Variants in ARHGEF28 observed in about 807,000 individuals in gnomAD.
ARHGEF28 encodes the protein 190 kDa guanine nucleotide exchange factor.
In ARHGEF28, 152 loss-of-function variants were observed where a neutral mutation model predicts 206.6. That is an observed-to-expected ratio of 0.74 (90% CI 0.64 to 0.84). ARHGEF28 has a LOEUF of 0.84. ARHGEF28 is among the 40% of genes least tolerant of loss of function. ARHGEF28 has a pLI of 0.00. For synonymous variants in ARHGEF28, 763 were observed against 776.4 expected (o/e 0.98, Z 0.29); for missense variants, 2,028 against 2,073.2 (o/e 0.98, Z 0.42).
At chr5:73,740,407 C>T (rs768979818) in intron 2 of ARHGEF28, among the ~76,000 whole-genome samples, 19 of 152,092 alleles carry the variant, frequency 1.2e-4, no homozygotes, top group Non-Finnish European at 2.6e-4. Flanking sequence ...ACAAACAAAA[C>T]ACACCATCTC....
At chr5:73,889,158 C>T (rs1451194883) in intron 26 of ARHGEF28, among the ~76,000 whole-genome samples, 1 of 152,168 alleles carries the variant, frequency 6.6e-6, no homozygotes, top group African/African-American at 2.4e-5. Context: ...ATCTGGATTT[C>T]CTAGCTCCCA....
At chr5:73,845,120 C>T (rs1758246973) in intron 11 of ARHGEF28, among the ~76,000 whole-genome samples, 1 of 150,378 alleles carries the variant, frequency 6.6e-6, no homozygotes, top group South Asian at 2.1e-4. Flanking sequence ...TGGGTTCACG[C>T]CATTTTCCTG....
At chr5:73,922,249 C>T (rs1763561058) in intron 35 of ARHGEF28, among the ~76,000 whole-genome samples, 1 of 152,202 alleles carries the variant, frequency 6.6e-6, no homozygotes, top group Non-Finnish European at 1.5e-5. Context: ...TTCTGAATTA[C>T]CAAGAGAAGC....
intron 1 of ARHGEF28, among the ~76,000 whole-genome samples, chr5:73,634,487 C>T (rs987014953): frequency 6.6e-6 from 1 of 152,330 alleles, no homozygotes; most frequent in East Asian, 1.9e-4. Flanking sequence ...ATACACCACA[C>T]TTTTAATAAT....
chr5:73,735,898 T>A (rs1750897105), intron 2 of ARHGEF28, among the ~76,000 whole-genome samples: 1 of 152,182 alleles, frequency 6.6e-6, no homozygotes, highest in Non-Finnish European at 1.5e-5. Flanking sequence ...ATTCACAGCA[T>A]CCTTTCCATC....
intron 1 of ARHGEF28, among the ~76,000 whole-genome samples, chr5:73,636,232 C>T (rs966559324): frequency 2.6e-5 from 4 of 152,116 alleles, no homozygotes; most frequent in African/African-American, 9.7e-5. Flanking sequence ...AATGAACCCT[C>T]TAGGTTATCT....
intron 1 of ARHGEF28, among the ~76,000 whole-genome samples, chr5:73,668,375 TG>T (rs1250145897): frequency 6.6e-6 from 1 of 152,222 alleles, no homozygotes; most frequent in African/African-American, 2.4e-5. Context: ...CCACATCTGC[TG>T]AGGGCCTTTG....
chr5:73,841,728 A>C (rs909567320), intron 11 of ARHGEF28, among the ~76,000 whole-genome samples: 1 of 145,002 alleles, frequency 6.9e-6, no homozygotes, highest in Non-Finnish European at 1.5e-5. Flanking sequence ...AAAAAAAAAA[A>C]GAGAGAAAAA....
At chr5:73,774,098 GA>G in intron 5 of ARHGEF28, 60 bp downstream of exon 5, 1 of 1,440,724 alleles carries the variant, frequency 6.9e-7, no homozygotes, top group East Asian at 2.5e-5. Context: ...AAGCATTATA[GA>G]AAAATGGAAA....
At chr5:73,775,162 G>A (rs767215409) in intron 5 of ARHGEF28, among the ~76,000 whole-genome samples, 4 of 152,114 alleles carry the variant, frequency 2.6e-5, no homozygotes, top group Non-Finnish European at 5.9e-5. Context: ...CTCATTCATC[G>A]TGAACAATTC....
At position 73,812,659 on chromosome 5, in the gene ARHGEF28, C is replaced by T. The variant is rs576259725; in HGVS notation, c.1024+17268C>T. The stretch of plus-strand genomic sequence containing the variant: ...ATGAGCTTCTCCTGAATGCTAATTA[C>T]TGGAGAATTGTTCAGGGAGACGGCA... On this transcript the variant is annotated intron_variant, in intron 9 of 35. Transcript: ENST00000513042. 7.9e-5 allele frequency among the ~76,000 whole-genome samples: 12 copies of T among 152,174 alleles called. No individual in the cohort carries two copies. The South Asian group carries it at 2.1e-3, about 26-fold the overall frequency.
chr5:73,654,018 CTT>C (rs1326652941), intron 1 of ARHGEF28, among the ~76,000 whole-genome samples: 5 of 152,168 alleles, frequency 3.3e-5, no homozygotes, highest in Admixed American at 1.3e-4. Flanking sequence ...CATAAATAGA[CTT>C]TTTGGTGTCT....
At chr5:73,832,930 G>C (rs1350188484) in intron 10 of ARHGEF28, among the ~76,000 whole-genome samples, 7 of 152,198 alleles carry the variant, frequency 4.6e-5, no homozygotes, top group African/African-American at 1.7e-4. Flanking sequence ...TTAACATGTA[G>C]TAAGATTGTA....
chr5:73,641,765 G>A (rs1009998672), intron 1 of ARHGEF28, among the ~76,000 whole-genome samples: 1 of 152,272 alleles, frequency 6.6e-6, no homozygotes, highest in South Asian at 2.1e-4. Flanking sequence ...TGAGGGCTGC[G>A]TTATAGGGAG....
At chr5:73,915,593 C>T (rs184830719) in intron 35 of ARHGEF28, among the ~76,000 whole-genome samples, 24 of 152,164 alleles carry the variant, frequency 1.6e-4, no homozygotes, top group Non-Finnish European at 2.8e-4. Context: ...GCTATGTAAT[C>T]GGCCCTATGA....
chr5:73,765,423 T>TCAGC (rs1752840097), intron 4 of ARHGEF28, among the ~76,000 whole-genome samples: 1 of 152,236 alleles, frequency 6.6e-6, no homozygotes, highest in South Asian at 2.1e-4. Context: ...CGGCTCCCAG[T>TCAGC]CAGCCAGCCA....
At chr5:73,915,694 G>C (rs749397647) in intron 35 of ARHGEF28, among the ~76,000 whole-genome samples, 45 of 151,964 alleles carry the variant, frequency 3.0e-4, no homozygotes, top group Non-Finnish European at 6.5e-4. Context: ...TTTTCTCCTA[G>C]CTTTAACATT....
intron 35 of ARHGEF28, among the ~76,000 whole-genome samples, chr5:73,935,424 T>C (rs1294751102): frequency 1.3e-5 from 2 of 152,194 alleles, no homozygotes; most frequent in Non-Finnish European, 2.9e-5. Context: ...CACATCCTAT[T>C]TGTGGCTCAC....
chr5:73,681,052 A>AT (rs200056803), intron 1 of ARHGEF28, among the ~76,000 whole-genome samples: 99 of 142,722 alleles, frequency 6.9e-4, no homozygotes, highest in South Asian at 2.2e-3. Flanking sequence ...TCTTTCAGCT[A>AT]TTTTTTTTTA....
Sources: gnomAD v4.1 joint callset for allele counts (sites outside exome capture counted in the v4.1 genomes callset) on GRCh38, gnomAD v4.1.1 for gene constraint, MANE v1.5 for transcripts, NCBI Gene and HGNC (gene_info 2026-07-23, HGNC 2026-07-21) for gene names.